The following TUSC3 variants were observed in gnomAD, a reference collection of about 807,000 sequenced individuals.
TUSC3 encodes tumor suppressor candidate 3.
A neutral mutation model predicts 44.8 loss-of-function variants in TUSC3; 45 were observed. That is an observed-to-expected ratio of 1.00 (90% confidence interval 0.79 to 1.29). The LOEUF (loss-of-function observed/expected upper bound fraction) is 1.29. Ranked by LOEUF, TUSC3 falls within the 50% of genes most tolerant of loss-of-function variation. The pLI, the probability that TUSC3 is intolerant of heterozygous loss-of-function variation, is 0.00. For missense variants in TUSC3, 519 were observed against 437.9 expected (o/e 1.19, Z -1.65); for synonymous variants, 212 against 152.9 (o/e 1.39, Z -2.85).
intron 1 of TUSC3, among the ~76,000 whole-genome samples, chr8:15,543,676 C>A (rs1362858305): frequency 6.6e-6 from 1 of 151,292 alleles, no homozygotes; most frequent in African/African-American, 2.4e-5. Flanking sequence ...ACTATGTATT[C>A]CTCATTTAAA....
intron 3 of TUSC3, 54 bp downstream of exon 3, chr8:15,650,868 A>C (rs1461607383): frequency 7.0e-6 from 11 of 1,563,252 alleles, no homozygotes; most frequent in Non-Finnish European, 9.7e-6. Context: ...TGGTCGATAC[A>C]TTTTTGTTTG....
At chr8:15,492,788 A>T (rs1266365360) in intron 2 of TUSC3, among the ~76,000 whole-genome samples, 2 of 152,172 alleles carry the variant, frequency 1.3e-5, no homozygotes, top group Non-Finnish European at 2.9e-5. Context: ...AAGGAAAAAA[A>T]AAAAAAGTGT....
the TUSC3 span, among the ~76,000 whole-genome samples, chr8:15,811,765 T>C: frequency 3.9e-5 from 6 of 152,302 alleles, no homozygotes; most frequent in African/African-American, 1.4e-4. Flanking sequence ...TTTGATAATA[T>C]AGTAAAGGTT....
At chr8:15,642,815 T>C (rs73665464) in intron 2 of TUSC3, among the ~76,000 whole-genome samples, 1,509 of 146,684 alleles carry the variant, frequency 0.01, 21 homozygotes, top group African/African-American at 0.033. Flanking sequence ...ATAAGTGTTA[T>C]AATGGATTGA....
At chr8:15,442,785 T>G (rs983128319) in intron 1 of TUSC3, among the ~76,000 whole-genome samples, 3 of 152,142 alleles carry the variant, frequency 2.0e-5, no homozygotes, top group African/African-American at 4.8e-5. Context: ...GACCAAACTT[T>G]AGTCAGGCTC....
At position 15,462,739 on chromosome 8, in the gene TUSC3, A is replaced by G. The variant is rs369176371; in HGVS notation, n.92-20647A>G. Among the ~76,000 whole-genome samples, 7 of 152,196 alleles carry G rather than the reference A, an allele frequency of 4.6e-5. No homozygotes were observed. The East Asian group carries it at 7.7e-4, about 17-fold the overall frequency. On this transcript the variant is annotated intron_variant and non_coding_transcript_variant, in intron 1 of 5. Transcript: ENST00000503191. ...CTGATATCTGTTTTCCAGTCTGACA[A>G]TTTACTTTTGCACCAGTACAGAGCT...
intron 1 of TUSC3, among the ~76,000 whole-genome samples, chr8:15,587,481 T>A (rs977766912): frequency 6.6e-6 from 1 of 152,182 alleles, no homozygotes; most frequent in Non-Finnish European, 1.5e-5. Flanking sequence ...TACGGAGTGA[T>A]ATTTCCATGT....
chr8:15,778,323 A>G, the TUSC3 span, among the ~76,000 whole-genome samples: 1 of 152,184 alleles, frequency 6.6e-6, no homozygotes, highest in South Asian at 2.1e-4. Context: ...TTTCCCAATT[A>G]CAGTTTACTT....
At chr8:15,660,880 C>T (rs544966833) in intron 4 of TUSC3, among the ~76,000 whole-genome samples, 3 of 142,616 alleles carry the variant, frequency 2.1e-5, no homozygotes, top group East Asian at 2.0e-4. Flanking sequence ...GCAGACTTTA[C>T]GCATTTAGTC....
chr8:15,799,899 T>C, the TUSC3 span, among the ~76,000 whole-genome samples: 4 of 152,160 alleles, frequency 2.6e-5, no homozygotes, highest in Non-Finnish European at 5.9e-5. Context: ...AACATGTGCA[T>C]GTTTGTGCCA....
intron 1 of TUSC3, among the ~76,000 whole-genome samples, chr8:15,478,932 C>T (rs147987646): frequency 0.012 from 1,826 of 152,170 alleles, 47 homozygotes; most frequent in African/African-American, 0.041. Flanking sequence ...TCCACAGCCT[C>T]GCCAGCAACT....
intron 1 of TUSC3, among the ~76,000 whole-genome samples, chr8:15,468,846 A>G (rs1800448218): frequency 6.6e-6 from 1 of 152,128 alleles, no homozygotes; most frequent in South Asian, 2.1e-4. Context: ...TCTGTTTTAG[A>G]AATATATTAA....
At chr8:15,455,878 C>A (rs1800250627) in intron 1 of TUSC3, among the ~76,000 whole-genome samples, 1 of 152,204 alleles carries the variant, frequency 6.6e-6, no homozygotes, top group South Asian at 2.1e-4. Context: ...ATAGAGGAGA[C>A]TGAATTCTGC....
At chr8:15,466,001 A>T (rs1800408088) in intron 1 of TUSC3, among the ~76,000 whole-genome samples, 1 of 152,176 alleles carries the variant, frequency 6.6e-6, no homozygotes, top group African/African-American at 2.4e-5. Flanking sequence ...TTAAAACTCA[A>T]ATTCAACATT....
At chr8:15,461,517 C>T (rs78090085) in intron 1 of TUSC3, among the ~76,000 whole-genome samples, 7,998 of 151,960 alleles carry the variant, frequency 0.053, 258 homozygotes, top group South Asian at 0.1. Flanking sequence ...AATTTGGATG[C>T]CTTTTATTTC....
At position 15,679,013 on chromosome 8, in the gene TUSC3, G is replaced by T. The variant is rs148045373; in HGVS notation, c.798+5177G>T. On this transcript the variant is annotated intron_variant, in intron 6 of 10. Coordinates refer to ENST00000503731, the MANE Select transcript of TUSC3 (RefSeq NM_006765.4). ...TCTTTATTTAATTCACCGTGGATGA[G>T]CACCTAGGTTGATTTAATGTCTTTG... Among the ~76,000 whole-genome samples, 344 of 152,232 alleles carry T rather than the reference G, an allele frequency of 2.3e-3. 4 individuals carry two copies. The highest frequency in any genetic ancestry group is 2.2e-3 in the Non-Finnish European group (148 of 68,026).
chr8:15,837,534 T>C, the TUSC3 span, among the ~76,000 whole-genome samples: 1 of 152,178 alleles, frequency 6.6e-6, no homozygotes, highest in South Asian at 2.1e-4. Context: ...TGTTCCTTAC[T>C]GTTTAGCAAT....
At chr8:15,604,795 C>G (rs1484363302) in intron 1 of TUSC3, among the ~76,000 whole-genome samples, 2 of 141,152 alleles carry the variant, frequency 1.4e-5, no homozygotes, top group Admixed American at 7.0e-5. Flanking sequence ...CTTAATAGCC[C>G]TACATTTTTT....
intron 1 of TUSC3, among the ~76,000 whole-genome samples, chr8:15,576,668 T>A (rs1427690631): frequency 7.2e-6 from 1 of 138,992 alleles, no homozygotes; most frequent in African/African-American, 2.8e-5. Context: ...TGCATAGTAT[T>A]CCATGGTGTA....
Sources: gnomAD v4.1 joint callset for allele counts (sites outside exome capture counted in the v4.1 genomes callset) on GRCh38, gnomAD v4.1.1 for gene constraint, MANE v1.5 for transcripts, NCBI Gene and HGNC (gene_info 2026-07-23, HGNC 2026-07-21) for gene names.